Variants in ETNPPL observed in about 807,000 individuals in gnomAD.
The protein encoded by ETNPPL is alanine--glyoxylate aminotransferase 2-like 1.
ETNPPL carries 30 observed loss-of-function variants against 55.5 expected under a neutral mutation model. The observed-to-expected ratio is 0.54, with a 90% CI of 0.40 to 0.73. ETNPPL has a LOEUF of 0.73. ETNPPL is among the 30% of genes least tolerant of loss of function. The pLI, the probability that ETNPPL is intolerant of heterozygous loss-of-function variation, is 0.00. For synonymous variants in ETNPPL, 202 were observed against 207.2 expected, an observed-to-expected ratio of 0.98 and a Z score of 0.21; for missense variants, 528 against 607.9, an observed-to-expected ratio of 0.87 and a Z score of 1.38.
At chr4:108,749,186 G>A in intron 8 of ETNPPL, 52 bp downstream of exon 8, 1 of 1,401,272 alleles carries the variant, frequency 7.1e-7, no homozygotes. Flanking sequence ...AAAAATATAA[G>A]AACATGCATT....
At chr4:108,759,202 G>A (rs1181026313) in intron 3 of ETNPPL, among the ~76,000 whole-genome samples, 4 of 151,556 alleles carry the variant, frequency 2.6e-5, no homozygotes, top group East Asian at 1.9e-4. Context: ...AGTGGCTCAC[G>A]CCTGTAATCC....
intron 5 of ETNPPL, among the ~76,000 whole-genome samples, chr4:108,753,354 A>G (rs1197379205): frequency 6.6e-6 from 1 of 152,202 alleles, no homozygotes; most frequent in Non-Finnish European, 1.5e-5. Context: ...ATGAGCCAAC[A>G]CCGATCAACT....
At chr4:108,756,328 C>T in intron 4 of ETNPPL, 90 bp downstream of exon 4, 1 of 843,890 alleles carries the variant, frequency 1.2e-6, no homozygotes, top group South Asian at 1.5e-5. Context: ...TCCTCTTTCA[C>T]ATGCGTTCAT....
intron 3 of ETNPPL, among the ~76,000 whole-genome samples, chr4:108,759,014 A>C (rs1729371843): frequency 6.6e-6 from 1 of 152,156 alleles, no homozygotes; most frequent in African/African-American, 2.4e-5. Flanking sequence ...GTGCCATTAC[A>C]CTGCAGCCTG....
Position 108,742,220 on chromosome 4 carries a change from G to C in ETNPPL, c.*264C>G. 1 of 274,596 alleles carries C rather than the reference G, an allele frequency of 3.6e-6. No homozygotes were observed. The highest frequency in any genetic ancestry group is 4.6e-5 in the Admixed American group (1 of 21,886). 17.0% of individuals were successfully genotyped at this position (274,596 alleles called of 1,614,324 possible). A position where few individuals can be genotyped will look rare whatever the true frequency, so the allele number is the denominator to read the frequency against. On this transcript the variant is annotated 3_prime_UTR_variant, in exon 13 of 13. Transcript: ENST00000296486. ...AGGTAAATCTGCCAATTTATTTTGA[G>C]TTTGCAAGCTTACAATTTAATAGAA...
intron 5 of ETNPPL, among the ~76,000 whole-genome samples, chr4:108,753,779 A>G (rs1306154738): frequency 1.5e-5 from 2 of 137,134 alleles, no homozygotes; most frequent in Non-Finnish European, 3.0e-5. Context: ...AAAGAAAGAA[A>G]GAAAGAAAGA....
intron 9 of ETNPPL, among the ~76,000 whole-genome samples, chr4:108,747,245 ATATATATAT>A (rs1197727500): frequency 1.8e-5 from 1 of 56,874 alleles, no homozygotes; most frequent in African/African-American, 8.8e-5. Context: ...TATATAATAT[ATATATATAT>A]TATATATATA....
intron 3 of ETNPPL, among the ~76,000 whole-genome samples, 168 bp downstream of exon 3, chr4:108,759,581 G>T (rs1729405656): frequency 6.6e-6 from 1 of 152,104 alleles, no homozygotes; most frequent in South Asian, 2.1e-4. Flanking sequence ...GAATAAAGTG[G>T]GAGAACCAGA....
intron 2 of ETNPPL, 111 bp downstream of exon 2, chr4:108,760,077 T>G (rs1156798923): frequency 1.1e-5 from 12 of 1,044,906 alleles, no homozygotes; most frequent in Non-Finnish European, 1.6e-5. Flanking sequence ...ACTGGCCCAC[T>G]CAGCAAAGGA....
intron 7 of ETNPPL, among the ~76,000 whole-genome samples, chr4:108,749,719 T>G (rs1293294736): frequency 6.6e-6 from 1 of 152,186 alleles, no homozygotes; most frequent in Non-Finnish European, 1.5e-5. Flanking sequence ...TGCAGTATTT[T>G]TTTTTAAGAG....
At position 108,759,816 on chromosome 4, in the gene ETNPPL, C is replaced by T. The variant is rs757970665; in HGVS notation, c.268G>A (p.Glu90Lys). 6.2e-7 allele frequency: 1 copy of T among 1,614,088 alleles called. No individual in the cohort carries two copies. The highest frequency in any genetic ancestry group is 1.1e-5 in the South Asian group (1 of 91,076). Residue 90 changes from glutamate (E) to lysine (K), a missense_variant, in exon 3 of 13, where the codon GAG becomes AAG. Physicochemically the swap from Glu to Lys is moderately conservative, Grantham distance 56. Transcript: ENST00000296486. ...NSRFLHDNIV[E>K]YAKRLSATLP... is the part of the protein sequence containing the mutation. ...GTTGCTGAAAGGCGTTTGGCATACT[C>T]AACAATGTTGTCGTGGAGGAATCGA...
chr4:108,761,638 G>T (rs986961233), intron 1 of ETNPPL, among the ~76,000 whole-genome samples: 2 of 152,162 alleles, frequency 1.3e-5, no homozygotes, highest in African/African-American at 4.8e-5. Flanking sequence ...TAGAAAATTT[G>T]TTCTGCTCAT....
intron 6 of ETNPPL, 38 bp from the exon 7 acceptor site, chr4:108,751,056 C>A: frequency 1.5e-6 from 2 of 1,367,544 alleles, no homozygotes; most frequent in East Asian, 2.3e-5. Context: ...CCATTAGGTC[C>A]CCCTACAACC....
chr4:108,742,496 C>A lies in ETNPPL; in HGVS notation c.1488G>T (p.Arg496Ser). Residue 496 changes from arginine to serine, a missense_variant, in exon 13 of 13, where the codon AGG becomes AGT. Transcript: ENST00000296486. Reference protein sequence around the residue: ...CTDTHSLLSKRLKT With the variant: ...CTDTHSLLSKSLKT ...AAATGCAAATCAGTCATGTCTTGAG[C>A]CTCTTACTGAGCAGTGAATGTGTAT... 6.2e-7 allele frequency: 1 copy of A among 1,614,126 alleles called. No individual in the cohort carries two copies.
At position 108,743,838 on chromosome 4, in the gene ETNPPL, C is replaced by T. The variant is rs986490806; in HGVS notation, c.1322G>A (p.Gly441Glu). 3.1e-6 allele frequency: 5 copies of T among 1,609,124 alleles called. 1 individual carries two copies. In the South Asian group the frequency reaches 5.5e-5, roughly 18 times the overall value. The change falls in exon 12 of 13, where the codon GGA (glycine) becomes GAA (glutamate). Residue 441 changes from glycine to glutamate, a missense_variant. Transcript: ENST00000296486. Reference protein sequence around the residue: ...RILTVLEEAMGTKTESVTSEN... With the variant: ...RILTVLEEAMETKTESVTSEN... ...AGAGGTCACACTTTCGGTTTTGGTT[C>T]CCATAGCTTCTTCTAAAACTGAATC...
intron 9 of ETNPPL, among the ~76,000 whole-genome samples, chr4:108,747,124 T>TTATATA (rs373968611): frequency 3.8e-4 from 17 of 45,006 alleles, no homozygotes; most frequent in Non-Finnish European, 3.9e-4. Flanking sequence ...AATGTTAACA[T>TTATATA]TATATATATA....
chr4:108,752,637 C>G (rs887939434), intron 6 of ETNPPL, among the ~76,000 whole-genome samples: 1 of 152,138 alleles, frequency 6.6e-6, no homozygotes, highest in African/African-American at 2.4e-5. Context: ...ACCCTGCATA[C>G]CACTGAAAAG....
At chr4:108,753,806 A>AAGAAAGAAAAGAG (rs1560656714) in intron 5 of ETNPPL, among the ~76,000 whole-genome samples, 3 of 119,422 alleles carry the variant, frequency 2.5e-5, no homozygotes. Flanking sequence ...GAAAGAAAGA[A>AAGAAAGAAAAGAG]AAGAGAAGAA....
chr4:108,742,451 G>T lies in ETNPPL; in HGVS notation c.*33C>A. On this transcript the variant is annotated 3_prime_UTR_variant, in exon 13 of 13. Coordinates refer to ENST00000296486, the MANE Select transcript of ETNPPL (RefSeq NM_031279.4). ...ACATCTACTCATTCTCTGTAACTCT[G>T]GACATCGCATCTTGCTTTAAAATGC... The T allele has an allele frequency of 1.2e-6, 2 of 1,611,732 alleles. No homozygotes were observed. Among genetic ancestry groups the T allele is most frequent in the South Asian group, 2.2e-5 (2 of 90,858 alleles).
Sources: gnomAD v4.1 joint callset for allele counts (sites outside exome capture counted in the v4.1 genomes callset) on GRCh38, gnomAD v4.1.1 for gene constraint, MANE v1.5 for transcripts, NCBI Gene and HGNC (gene_info 2026-07-23, HGNC 2026-07-21) for gene names.